ZNF205: variants seen among roughly 807,000 people sequenced by gnomAD.
ZNF205 encodes zinc finger protein 205.
In ZNF205, 32 loss-of-function variants were observed where a neutral mutation model predicts 53.6. The observed-to-expected ratio is 0.60, with a 90% CI of 0.45 to 0.80. The LOEUF (loss-of-function observed/expected upper bound fraction) is 0.80. Among genes scored for constraint, ZNF205 ranks in the 30% least tolerant of loss-of-function variants. ZNF205 has a pLI of 0.00. For missense variants in ZNF205, 836 were observed against 782.4 expected, an observed-to-expected ratio of 1.07 and a Z score of -0.82; for synonymous variants, 382 against 334.3, an observed-to-expected ratio of 1.14 and a Z score of -1.56.
chr16:3,116,686 G>A (rs1399035334), intron 5 of ZNF205, 139 bp downstream of exon 5: 2 of 1,293,528 alleles, frequency 1.5e-6, no homozygotes, highest in Non-Finnish European at 2.1e-6. Context: ...GGAAACTTCT[G>A]TAATGATGGA....
chr16:3,118,448 G>A (rs1425639500), intron 5 of ZNF205, among the ~76,000 whole-genome samples: 2 of 152,190 alleles, frequency 1.3e-5, no homozygotes, highest in Admixed American at 6.5e-5. Flanking sequence ...CACGGGTGGT[G>A]GAAGCCAGGG....
At position 3,120,430 on chromosome 16, in the gene ZNF205, G is replaced by C. The variant is rs1360652636; in HGVS notation, c.*105G>C. The C allele has an allele frequency of 7.6e-6, 10 of 1,308,666 alleles. No homozygotes were observed. In the South Asian group the frequency reaches 1.5e-4, roughly 20 times the overall value. The allele number at this position is 1,308,666 out of a possible 1,614,324, so 81.1% of individuals were successfully genotyped here. On this transcript the variant is annotated 3_prime_UTR_variant, in exon 7 of 7. Coordinates refer to ENST00000219091, the MANE Select transcript of ZNF205 (RefSeq NM_001042428.2). ...GGGGCTCGGGAAGGGAGCTGGGGCG[G>C]TGAGGGCATGGGGTGAGGCATGGCG...
Position 3,120,457 on chromosome 16 carries a change from TGGGGGA to T in ZNF205, c.*136_*141del. 1 of 1,104,052 alleles carries T rather than the reference TGGGGGA, an allele frequency of 9.1e-7. No individual in the cohort carries two copies. Among genetic ancestry groups the T allele is most frequent in the Non-Finnish European group, 1.3e-6 (1 of 798,694 alleles). 68.4% of individuals were successfully genotyped at this position (1,104,052 alleles called of 1,614,324 possible). A position where few individuals can be genotyped will look rare whatever the true frequency, so the allele number is the denominator to read the frequency against. ...GAGGGCATGGGGTGAGGCATGGCGA[TGGGGGA>T]GGGCGAGGGCGAGAAAGGGCAGGCA... On this transcript the variant is annotated 3_prime_UTR_variant, in exon 7 of 7. Coordinates refer to ENST00000219091, the MANE Select transcript of ZNF205 (RefSeq NM_001042428.2).
chr16:3,116,327 G>T, intron 4 of ZNF205, 100 bp from the exon 5 acceptor site: 1 of 1,546,018 alleles, frequency 6.5e-7, no homozygotes, highest in Non-Finnish European at 8.8e-7. Context: ...TCGACACAGT[G>T]GGTTGGGAGT....
At position 3,118,969 on chromosome 16, in the gene ZNF205, C is replaced by G; in HGVS notation, c.549C>G (p.Ser183=). 1 of 1,613,718 alleles carries G rather than the reference C, an allele frequency of 6.2e-7. No homozygotes were observed. The highest frequency in any genetic ancestry group is 8.5e-7 in the Non-Finnish European group (1 of 1,179,994). ...ACGGCAAGGGTGAGGCCTCGGGCTC[C>G]AGCCGGCAGGCAGGAGATGAGAAGG... is the stretch of plus-strand genomic sequence containing the variant. The part of the protein sequence containing the change: ...QAHGKGEASG[S]SRQAGDEKEW... The change falls in exon 6 of 7, where the codon TCC becomes TCG. Residue 183 remains serine, a synonymous_variant. Transcript: ENST00000219091.
At chr16:3,118,268 C>A (rs1400638909) in intron 5 of ZNF205, among the ~76,000 whole-genome samples, 1 of 152,004 alleles carries the variant, frequency 6.6e-6, no homozygotes, top group African/African-American at 2.4e-5. Context: ...GATGGTCACC[C>A]CTCAATTAGC....
Position 3,113,471 on chromosome 16 carries a change from A to G in ZNF205, c.41A>G (p.Lys14Arg). 2 of 1,613,666 alleles carry G rather than the reference A, an allele frequency of 1.2e-6. No homozygotes were observed. The highest frequency in any genetic ancestry group is 1.7e-6 in the Non-Finnish European group (2 of 1,179,816). Reference sequence around the variant, plus strand: ...GGAGGCATCCAGGACACCCAGGACAAGGAGACACCCCCGGAGGTACAGATG... The same window carrying G: ...GGAGGCATCCAGGACACCCAGGACAGGGAGACACCCCCGGAGGTACAGATG... ...DGGGIQDTQD[K>R]ETPPEVPDRG... The change falls in exon 2 of 7, where the codon AAG becomes AGG. Residue 14 changes from lysine (K) to arginine (R), a missense_variant. Coordinates refer to ENST00000219091, the MANE Select transcript of ZNF205 (RefSeq NM_001042428.2).
chr16:3,117,512 C>T (rs1957361479), intron 5 of ZNF205, among the ~76,000 whole-genome samples: 1 of 133,208 alleles, frequency 7.5e-6, no homozygotes, highest in South Asian at 2.6e-4. Flanking sequence ...GCAGTGGCAC[C>T]ATCACGACTC....
intron 2 of ZNF205, among the ~76,000 whole-genome samples, chr16:3,114,300 G>T (rs1957310179): frequency 6.6e-6 from 1 of 152,152 alleles, no homozygotes; most frequent in Non-Finnish European, 1.5e-5. Flanking sequence ...GTTTATCCAG[G>T]ACTTTCCTGA....
chr16:3,115,923 G>A lies in ZNF205; in HGVS notation c.363+3G>A, dbSNP rs771698331. The A allele has an allele frequency of 3.7e-6, 6 of 1,612,928 alleles. No individual in the cohort carries two copies. In the East Asian group the frequency reaches 1.1e-4, roughly 30 times the overall value. On this transcript the variant is annotated splice_donor_region_variant and intron_variant, in intron 4 of 6. Transcript: ENST00000219091. ...CGCTCCTCACTGCCTGGTCCCAGGTGAGTGGCCCTTCCCCGGCCCCTGCAT... is the reference window on the plus strand; with the variant it reads ...CGCTCCTCACTGCCTGGTCCCAGGTAAGTGGCCCTTCCCCGGCCCCTGCAT...
intron 1 of ZNF205, chr16:3,112,935 T>G (rs1476058944): frequency 5.2e-6 from 1 of 192,456 alleles, no homozygotes; most frequent in Non-Finnish European, 1.1e-5. Flanking sequence ...GAATTCCTGG[T>G]GGGCATGGGA....
At chr16:3,114,171 C>T (rs1957308533) in intron 2 of ZNF205, among the ~76,000 whole-genome samples, 1 of 152,192 alleles carries the variant, frequency 6.6e-6, no homozygotes. Flanking sequence ...CATCCACTTC[C>T]CGTGTGCCTT....
Position 3,119,597 on chromosome 16 carries a change from T to C in ZNF205, c.937T>C (p.Cys313Arg). 1.2e-6 allele frequency: 2 copies of C among 1,610,006 alleles called. No individual in the cohort carries two copies. The highest frequency in any genetic ancestry group is 1.7e-6 in the Non-Finnish European group (2 of 1,178,638). ...VGRKSYRCEQCGKGFSWHSHL... is the reference protein window; with the variant it reads ...VGRKSYRCEQRGKGFSWHSHL... ...CAGGAAGAGCTACCGGTGCGAGCAG[T>C]GCGGCAAGGGCTTCAGCTGGCACTC... The change falls in exon 7 of 7, where the codon TGC (cysteine) becomes CGC (arginine). Residue 313 changes from cysteine to arginine, a missense_variant. Transcript: ENST00000219091.
intron 1 of ZNF205, 97 bp from the exon 2 acceptor site, chr16:3,113,320 C>T (rs929122107): frequency 2.3e-5 from 28 of 1,191,590 alleles, no homozygotes; most frequent in South Asian, 1.3e-4. Context: ...GTCCAGGAAG[C>T]GAGGGCTGGT....
chr16:3,113,042 C>T (rs914725319), intron 1 of ZNF205: 2 of 247,530 alleles, frequency 8.1e-6, no homozygotes, highest in Non-Finnish European at 1.6e-5. Context: ...AGCACCTGTT[C>T]TGCAGGATCT....
Position 3,119,547 on chromosome 16 carries a change from G to A in ZNF205, c.887G>A (p.Gly296Asp), listed in dbSNP as rs548051367. The A allele has an allele frequency of 8.1e-6, 13 of 1,607,512 alleles. No individual in the cohort carries two copies. In the East Asian group the frequency reaches 2.0e-4, roughly 25 times the overall value. ...GGCGCCCCGGAGAGTGGCGAGGAGG[G>A]CCTGGCCCCTGACAGTGAGGTGGGC... Reference protein sequence around the residue: ...EKGAPESGEEGLAPDSEVGRK... With the variant: ...EKGAPESGEEDLAPDSEVGRK... The change falls in exon 7 of 7, where the codon GGC (glycine) becomes GAC (aspartate). Residue 296 changes from glycine (G) to aspartate (D), a missense_variant. Physicochemically the swap from Gly to Asp is moderately conservative, Grantham distance 94. Transcript: ENST00000219091.
intron 2 of ZNF205, 31 bp downstream of exon 2, chr16:3,113,518 C>T (rs775612975): frequency 1.2e-5 from 19 of 1,608,972 alleles, no homozygotes; most frequent in South Asian, 2.2e-5. Context: ...GGGAGGTGTG[C>T]GGTAGAAGAG....
chr16:3,120,211 C>T lies in ZNF205; in HGVS notation c.1551C>T (p.Ser517=). ...GCGGCAAGAGCTTCAGCCGGCGCTC[C>T]AACCTGCACCGGCACGAGAAGATCC... ...PLCGKSFSRR[S]NLHRHEKIHT... is the part of the protein sequence containing the mutation. The change falls in exon 7 of 7, where the codon TCC becomes TCT. Residue 517 remains serine (S), a synonymous_variant. Coordinates refer to ENST00000219091, the MANE Select transcript of ZNF205 (RefSeq NM_001042428.2). 1 of 1,611,290 alleles carries T rather than the reference C, an allele frequency of 6.2e-7. No homozygotes were observed. Among genetic ancestry groups the T allele is most frequent in the Non-Finnish European group, 8.5e-7 (1 of 1,179,660 alleles).
In ZNF205 at chr16:3,120,392, G is replaced by T. The variant is rs963229993; in HGVS notation, c.*67G>T. 5.6e-6 allele frequency: 8 copies of T among 1,430,974 alleles called. No individual in the cohort carries two copies. Among genetic ancestry groups the T allele is most frequent in the Middle Eastern group, 4.8e-4 (2 of 4,176 alleles). 88.6% of individuals were successfully genotyped at this position (1,430,974 alleles called of 1,614,324 possible). A position where few individuals can be genotyped will look rare whatever the true frequency, so the allele number is the denominator to read the frequency against. On this transcript the variant is annotated 3_prime_UTR_variant, in exon 7 of 7. Coordinates refer to ENST00000219091, the MANE Select transcript of ZNF205 (RefSeq NM_001042428.2). ...ACAGCCCCACTGGAGTCAAGGCTCC[G>T]AGGGAGGAGAGAGGGGCTCGGGAAG...
Sources: gnomAD v4.1 joint callset for allele counts (sites outside exome capture counted in the v4.1 genomes callset) on GRCh38, gnomAD v4.1.1 for gene constraint, MANE v1.5 for transcripts, NCBI Gene and HGNC (gene_info 2026-07-23, HGNC 2026-07-21) for gene names.